Variants in ARL14EPL observed in about 807,000 individuals in gnomAD.
The protein encoded by ARL14EPL is ARF like GTPase 14 effector protein like.
ARL14EPL carries 17 observed loss-of-function variants against 15.9 expected under a neutral mutation model. That is an observed-to-expected ratio of 1.07 (90% CI 0.73 to 1.60). ARL14EPL has a LOEUF of 1.60. Ranked by LOEUF, ARL14EPL falls within the 40% of genes most tolerant of loss-of-function variation. The pLI, the probability that ARL14EPL is intolerant of heterozygous loss-of-function variation, is 0.00. For missense variants in ARL14EPL, 214 were observed against 185.9 expected, an observed-to-expected ratio of 1.15 and a Z score of -0.88; for synonymous variants, 78 against 63.8, an observed-to-expected ratio of 1.22 and a Z score of -1.06.
In ARL14EPL at chr5:116,057,897, T is replaced by C. The variant is rs566165240; in HGVS notation, c.237-828T>C. On this transcript the variant is annotated intron_variant, in intron 3 of 3. Coordinates refer to ENST00000686077, the MANE Select transcript of ARL14EPL (RefSeq NM_001195581.2). The stretch of plus-strand genomic sequence containing the variant: ...TTCAGTGGTAATAACGGCTATCAGT[T>C]ATACAGAGGTATTTTTGTTGTTCTC... Among the ~76,000 whole-genome samples, 657 of 152,334 alleles carry C rather than the reference T, an allele frequency of 4.3e-3. 6 individuals are homozygous for C. Among genetic ancestry groups the C allele is most frequent in the African/African-American group, 0.012 (516 of 41,596 alleles).
chr5:116,033,181 T>C (rs1289489145), intron 1 of ARL14EPL, among the ~76,000 whole-genome samples: 1 of 152,194 alleles, frequency 6.6e-6, no homozygotes, highest in Non-Finnish European at 1.5e-5. Context: ...CACCTCCTTT[T>C]ACTACAGGAA....
At chr5:116,040,117 T>C (rs1175411673) in intron 1 of ARL14EPL, among the ~76,000 whole-genome samples, 1 of 152,164 alleles carries the variant, frequency 6.6e-6, no homozygotes, top group African/African-American at 2.4e-5. Flanking sequence ...TTTACTCTTG[T>C]AGCTAAATTT....
chr5:116,050,354 T>C (rs574756174), intron 1 of ARL14EPL, among the ~76,000 whole-genome samples: 3 of 152,344 alleles, frequency 2.0e-5, no homozygotes, highest in Admixed American at 1.3e-4. Context: ...TATTTGGTTT[T>C]CGTTTTCTGT....
At chr5:116,053,608 GT>G (rs1473716778) in intron 2 of ARL14EPL, among the ~76,000 whole-genome samples, 1 of 152,094 alleles carries the variant, frequency 6.6e-6, no homozygotes, top group Non-Finnish European at 1.5e-5. Flanking sequence ...TCTCACTGTG[GT>G]TTGAGACACT....
chr5:116,052,233 T>C (rs2662469), intron 2 of ARL14EPL: 1,183,069 of 1,601,124 alleles, frequency 0.74, 446,639 homozygotes, highest in Non-Finnish European at 0.79. Flanking sequence ...GGGTCTTTGT[T>C]TTTCTTGGCT....
chr5:116,058,876 T>G lies in ARL14EPL; in HGVS notation c.388T>G (p.Trp130Gly). Residue 130 changes from tryptophan (W) to glycine (G), a missense_variant, in exon 4 of 4, where the codon TGG becomes GGG. Trp to Gly is a radical substitution (Grantham distance 184, BLOSUM62 -2). Transcript: ENST00000686077. ...GCCCGAGTGCCGCTGCAACCGACGG[T>G]GGGTTTACGATGCCATCGTCACTGA... ...CGPECRCNRR[W>G]VYDAIVTESG... The G allele has an allele frequency of 6.5e-7, 1 of 1,536,006 alleles. No homozygotes were observed. Among genetic ancestry groups the G allele is most frequent in the Non-Finnish European group, 8.7e-7 (1 of 1,146,880 alleles).
chr5:116,040,135 G>T (rs1317064923), intron 1 of ARL14EPL, among the ~76,000 whole-genome samples: 2 of 152,112 alleles, frequency 1.3e-5, no homozygotes, highest in Non-Finnish European at 2.9e-5. Context: ...TTTTTGCGAA[G>T]ATCTTTGTCT....
chr5:116,037,961 T>C (rs992328472), intron 1 of ARL14EPL, among the ~76,000 whole-genome samples: 6 of 152,188 alleles, frequency 3.9e-5, no homozygotes, highest in Admixed American at 3.3e-4. Flanking sequence ...GGAGAGAAAA[T>C]GCTCTCAGTC....
intron 2 of ARL14EPL, chr5:116,051,808 T>A: frequency 1.2e-6 from 1 of 835,852 alleles, no homozygotes; most frequent in Non-Finnish European, 1.8e-6. Flanking sequence ...ACAATAAAAT[T>A]CTGCTTTTTG....
intron 1 of ARL14EPL, among the ~76,000 whole-genome samples, chr5:116,042,295 A>T (rs544836034): frequency 6.6e-6 from 1 of 152,304 alleles, no homozygotes; most frequent in South Asian, 2.1e-4. Flanking sequence ...TGAAGAAAGG[A>T]ACTGTGTCTT....
chr5:116,048,125 T>G (rs1294974699), intron 1 of ARL14EPL, among the ~76,000 whole-genome samples: 4 of 152,210 alleles, frequency 2.6e-5, no homozygotes, highest in African/African-American at 9.6e-5. Flanking sequence ...AGCTCTGCTC[T>G]AGGAGTCTGA....
intron 1 of ARL14EPL, among the ~76,000 whole-genome samples, chr5:116,042,395 A>G (rs899745595): frequency 2.0e-5 from 3 of 152,218 alleles, no homozygotes; most frequent in African/African-American, 4.8e-5. Flanking sequence ...GAGTACATCC[A>G]GTGAAGGAGC....
At chr5:116,051,795 T>C in intron 2 of ARL14EPL, 1 of 776,550 alleles carries the variant, frequency 1.3e-6, no homozygotes, top group East Asian at 2.7e-5. Flanking sequence ...CCCAGTGTTC[T>C]GTACAATAAA....
chr5:116,039,434 A>C (rs953444756), intron 1 of ARL14EPL, among the ~76,000 whole-genome samples: 2 of 152,178 alleles, frequency 1.3e-5, no homozygotes, highest in African/African-American at 2.4e-5. Flanking sequence ...AGACCAAAAA[A>C]ACTTCTCCAT....
In ARL14EPL at chr5:116,056,237, G is replaced by T. The variant is rs539997847; in HGVS notation, c.236+2084G>T. 4.4e-3 allele frequency among the ~76,000 whole-genome samples: 672 copies of T among 151,106 alleles called. 6 individuals carry two copies. Among genetic ancestry groups the T allele is most frequent in the African/African-American group, 0.016 (638 of 40,502 alleles). On this transcript the variant is annotated intron_variant, in intron 3 of 3. Coordinates refer to ENST00000686077, the MANE Select transcript of ARL14EPL (RefSeq NM_001195581.2). Reference sequence around the variant, plus strand: ...GGAATCGCCACACTGACTTCCACAAGGGTTGAAGTAGTTTACTGTCCCACC... The same window carrying T: ...GGAATCGCCACACTGACTTCCACAATGGTTGAAGTAGTTTACTGTCCCACC...
chr5:116,038,631 C>T (rs549476946), intron 1 of ARL14EPL, among the ~76,000 whole-genome samples: 50 of 139,498 alleles, frequency 3.6e-4, no homozygotes, highest in African/African-American at 9.8e-4. Flanking sequence ...ACTTCAGTAG[C>T]GAAGTGTGGA....
rs1479839494 is a variant in ARL14EPL, at chr5:116,052,156, G to T, written c.96+595G>T. On this transcript the variant is annotated intron_variant, in intron 2 of 3. Transcript: ENST00000686077. ...CTTTGTCAAACAAGACTAAGTTATT[G>T]AGCTTGTCCCGAACTTTGCCTTTGG... 9 of 1,610,652 alleles carry T rather than the reference G, an allele frequency of 5.6e-6. 1 individual carries two copies. The Middle Eastern group carries it at 6.6e-4, about 118-fold the overall frequency.
intron 1 of ARL14EPL, among the ~76,000 whole-genome samples, chr5:116,034,078 TCA>T (rs1479288463): frequency 2.0e-5 from 3 of 152,226 alleles, no homozygotes; most frequent in Non-Finnish European, 4.4e-5. Context: ...CTCTCAGGAT[TCA>T]CAGATACACA....
In ARL14EPL at chr5:116,035,620, G is replaced by A. The variant is rs574938802; in HGVS notation, c.-10+3115G>A. The stretch of plus-strand genomic sequence containing the variant: ...TTCTAGGGTAGGGGTAACAAGGGAG[G>A]AGGTGGATTTATTAGAACCTAGAAG... On this transcript the variant is annotated intron_variant, in intron 1 of 3. Transcript: ENST00000686077. Among the ~76,000 whole-genome samples, 5 of 152,316 alleles carry A rather than the reference G, an allele frequency of 3.3e-5. No individual in the cohort carries two copies. In the East Asian group the frequency reaches 7.7e-4, roughly 23 times the overall value.
Sources: allele counts gnomAD v4.1 joint callset (sites outside exome capture counted in the v4.1 genomes callset), GRCh38; gene constraint gnomAD v4.1.1; transcripts MANE v1.5; gene names NCBI Gene and HGNC (gene_info 2026-07-23, HGNC 2026-07-21).